Variants in SLC24A2 observed in about 807,000 individuals in gnomAD.
The protein encoded by SLC24A2 is solute carrier family 24 member 2.
In SLC24A2, 36 loss-of-function variants were observed where a neutral mutation model predicts 62.0. That is an observed-to-expected ratio of 0.58 (90% CI 0.44 to 0.77). The LOEUF (loss-of-function observed/expected upper bound fraction) is 0.77. SLC24A2 is among the 30% of genes least tolerant of loss of function. The pLI, the probability that SLC24A2 is intolerant of heterozygous loss-of-function variation, is 0.00. For synonymous variants in SLC24A2, 358 were observed against 294.0 expected, an observed-to-expected ratio of 1.22 and a Z score of -2.23; for missense variants, 846 against 817.9, an observed-to-expected ratio of 1.03 and a Z score of -0.42.
At chr9:19,852,436 G>T in the SLC24A2 span, among the ~76,000 whole-genome samples, 1 of 151,936 alleles carries the variant, frequency 6.6e-6, no homozygotes, top group Non-Finnish European at 1.5e-5. Flanking sequence ...TTTCTTCTAG[G>T]GTTTTTATAC....
At chr9:20,136,278 G>T in the SLC24A2 span, among the ~76,000 whole-genome samples, 36 of 152,278 alleles carry the variant, frequency 2.4e-4, 1 homozygote, top group African/African-American at 8.4e-4. Context: ...AAAAGTTGGG[G>T]AACAGAGTGA....
At chr9:19,821,807 T>A in the SLC24A2 span, among the ~76,000 whole-genome samples, 1 of 152,192 alleles carries the variant, frequency 6.6e-6, no homozygotes, top group African/African-American at 2.4e-5. Flanking sequence ...AAATAGGAAG[T>A]ATCCTAGTAT....
At chr9:19,894,036 C>T in the SLC24A2 span, among the ~76,000 whole-genome samples, 1 of 152,174 alleles carries the variant, frequency 6.6e-6, no homozygotes, top group East Asian at 1.9e-4. Flanking sequence ...AAGACTTGCC[C>T]AGCTGCAAGA....
the SLC24A2 span, among the ~76,000 whole-genome samples, chr9:19,804,794 A>G: frequency 6.6e-6 from 1 of 152,094 alleles, no homozygotes; most frequent in Admixed American, 6.6e-5. Flanking sequence ...AGGCTGAGGA[A>G]GCTCCCTTCT....
the SLC24A2 span, among the ~76,000 whole-genome samples, chr9:19,945,909 A>T: frequency 2.0e-5 from 3 of 152,308 alleles, no homozygotes; most frequent in South Asian, 6.2e-4. Flanking sequence ...ATTCCACATC[A>T]GCTGTAGCTT....
the SLC24A2 span, among the ~76,000 whole-genome samples, chr9:20,182,410 A>G: frequency 2.0e-5 from 3 of 152,262 alleles, no homozygotes; most frequent in African/African-American, 7.2e-5. Context: ...GATAGACTGG[A>G]TAAAGAAAAT....
chr9:20,235,829 G>A, the SLC24A2 span, among the ~76,000 whole-genome samples: 1 of 152,200 alleles, frequency 6.6e-6, no homozygotes, highest in African/African-American at 2.4e-5. Flanking sequence ...CGCTCACGCT[G>A]GGAGCTGTAG....
At chr9:19,725,311 C>T (rs1821139658) in intron 2 of SLC24A2, among the ~76,000 whole-genome samples, 1 of 152,128 alleles carries the variant, frequency 6.6e-6, no homozygotes, top group Non-Finnish European at 1.5e-5. Context: ...TTTTATATTG[C>T]ACGTTATAAT....
chr9:20,090,086 C>A, the SLC24A2 span, among the ~76,000 whole-genome samples: 1 of 152,150 alleles, frequency 6.6e-6, no homozygotes, highest in African/African-American at 2.4e-5. Flanking sequence ...ACACCTCCAA[C>A]AAGCAGCAGC....
At chr9:19,728,479 G>A (rs1051246275) in intron 2 of SLC24A2, among the ~76,000 whole-genome samples, 39 of 151,936 alleles carry the variant, frequency 2.6e-4, no homozygotes, top group African/African-American at 9.4e-4. Flanking sequence ...TGCAGTTTCA[G>A]CTCAGGAGAC....
chr9:19,856,683 A>G, the SLC24A2 span, among the ~76,000 whole-genome samples: 2 of 152,196 alleles, frequency 1.3e-5, no homozygotes, highest in Admixed American at 1.3e-4. Flanking sequence ...GCTCTGTCCC[A>G]GAGGGGCACT....
the SLC24A2 span, among the ~76,000 whole-genome samples, chr9:20,200,591 C>T: frequency 0.97 from 147,958 of 152,336 alleles, 71,978 homozygotes; most frequent in Non-Finnish European, 1. Flanking sequence ...TTAAAACACC[C>T]TACTTTTATA....
the SLC24A2 span, among the ~76,000 whole-genome samples, chr9:20,129,672 C>CA: frequency 6.6e-6 from 1 of 151,386 alleles, no homozygotes; most frequent in East Asian, 1.9e-4. Context: ...AGAAGCCAGG[C>CA]AAAAAAAGAC....
chr9:19,866,977 G>T, the SLC24A2 span, among the ~76,000 whole-genome samples: 1 of 151,938 alleles, frequency 6.6e-6, no homozygotes, highest in East Asian at 1.9e-4. Flanking sequence ...ATGAATAAAT[G>T]AATAAGTCCT....
chr9:19,853,247 C>T, the SLC24A2 span, among the ~76,000 whole-genome samples: 1 of 152,204 alleles, frequency 6.6e-6, no homozygotes, highest in South Asian at 2.1e-4. Context: ...GTCATGTCAT[C>T]TGTAAACAGA....
chr9:19,860,890 C>G, the SLC24A2 span, among the ~76,000 whole-genome samples: 2 of 152,128 alleles, frequency 1.3e-5, no homozygotes, highest in Non-Finnish European at 2.9e-5. Context: ...TGGGAAGAAC[C>G]GTGTCTTGTG....
chr9:19,616,492 C>T (rs1395885486), intron 4 of SLC24A2, among the ~76,000 whole-genome samples: 1 of 152,182 alleles, frequency 6.6e-6, no homozygotes, highest in African/African-American at 2.4e-5. Context: ...CTACATAATA[C>T]TGCCTTGCCC....
chr9:19,544,898 T>C (rs543595241), intron 8 of SLC24A2, among the ~76,000 whole-genome samples: 1 of 152,216 alleles, frequency 6.6e-6, no homozygotes, highest in Non-Finnish European at 1.5e-5. Context: ...CTGATGATTA[T>C]GTGTCTTGGG....
the SLC24A2 span, among the ~76,000 whole-genome samples, chr9:19,835,827 TA>T: frequency 6.6e-6 from 1 of 152,198 alleles, no homozygotes; most frequent in East Asian, 1.9e-4. Context: ...TAGTTGGAAG[TA>T]AAGCACTCCT....
Sources: allele counts gnomAD v4.1 joint callset (sites outside exome capture counted in the v4.1 genomes callset), GRCh38; gene constraint gnomAD v4.1.1; transcripts MANE v1.5; gene names NCBI Gene and HGNC (gene_info 2026-07-23, HGNC 2026-07-21).